Variants in MATN3 observed in about 807,000 individuals in gnomAD.
MATN3 encodes the protein matrilin 3, also known as matrilin-3.
MATN3 carries 48 observed loss-of-function variants against 45.3 expected under a neutral mutation model. The observed-to-expected ratio is 1.06, with a 90% CI of 0.84 to 1.35. The LOEUF (loss-of-function observed/expected upper bound fraction) is 1.35. Among genes scored for constraint, MATN3 ranks in the 40% most tolerant of loss-of-function variants. MATN3 has a pLI of 0.00. For synonymous variants in MATN3, 217 were observed against 245.9 expected (o/e 0.88, Z 1.10); for missense variants, 599 against 628.0 (o/e 0.95, Z 0.49).
chr2:20,010,067 T>TAAGAAAAAAAAAAAAAAAAAAAAAAAA (rs1673188838), intron 1 of MATN3, among the ~76,000 whole-genome samples: 1 of 68,706 alleles, frequency 1.5e-5, no homozygotes, highest in Non-Finnish European at 2.5e-5. Flanking sequence ...CTTCAAATAC[T>TAAGAAAAAAAAAAAAAAAAAAAAAAAA]AAAAAAAAAA....
At chr2:20,007,257 G>T (rs1296739800) in intron 1 of MATN3, among the ~76,000 whole-genome samples, 2 of 151,928 alleles carry the variant, frequency 1.3e-5, no homozygotes, top group Non-Finnish European at 2.9e-5. Flanking sequence ...CCCGGGCGCG[G>T]TGGCTCACGC....
intron 4 of MATN3, 116 bp downstream of exon 4, chr2:20,001,839 A>C (rs933091599): frequency 2.1e-6 from 2 of 968,262 alleles, no homozygotes; most frequent in Non-Finnish European, 3.1e-6. Context: ...GGAAAAGCTC[A>C]AGGTGGCAAG....
At position 20,012,581 on chromosome 2, in the gene MATN3, G is replaced by A; in HGVS notation, c.51C>T (p.Leu17=). Residue 17 remains leucine, a synonymous_variant, in exon 1 of 8, where the codon CTC becomes CTT. Coordinates refer to ENST00000407540, the MANE Select transcript of MATN3 (RefSeq NM_002381.5). The surrounding 1 kb of genome is among the most constrained non-coding windows in gnomAD (Gnocchi z 4.3). ...CGGAGGGCAGCAGCAGCAGCGGCCA[G>A]AGCAGCAGGAGGAGTCCCGGGAGGC... The part of the protein sequence containing the change: ...ARRLPGLLLL[L]WPLLLLPSAA... 4 of 1,226,056 alleles carry A rather than the reference G, an allele frequency of 3.3e-6. No homozygotes were observed. The highest frequency in any genetic ancestry group is 4.1e-6 in the Non-Finnish European group (4 of 985,114). The allele number at this position is 1,226,056 out of a possible 1,614,324, so 75.9% of individuals were successfully genotyped here.
intron 1 of MATN3, among the ~76,000 whole-genome samples, chr2:20,009,232 C>CA (rs558125406): frequency 0.044 from 2,433 of 54,904 alleles, 22 homozygotes; most frequent in South Asian, 0.074. Context: ...CTCTAAAAGC[C>CA]AAAAAAAAAA....
rs1672818685 is a variant in MATN3, at chr2:19,994,302, T to C, written c.1402A>G (p.Lys468Glu). The C allele has an allele frequency of 1.2e-6, 2 of 1,606,174 alleles. No homozygotes were observed. Among genetic ancestry groups the C allele is most frequent in the South Asian group, 2.2e-5 (2 of 90,622 alleles). The stretch of plus-strand genomic sequence containing the variant: ...GAAAACCTTCCAGAAAGGATATGTT[T>C]AGTGTTCAGTCTTTGAAGATACGAG... ...VSSYLQRLNT[K>E]LDDILEKLKI... Residue 468 changes from lysine (K) to glutamate (E), a missense_variant, in exon 7 of 8, where the codon AAA (lysine) becomes GAA (glutamate). By Grantham distance (56) the Lys-to-Glu change is moderately conservative. Coordinates refer to ENST00000407540, the MANE Select transcript of MATN3 (RefSeq NM_002381.5).
At chr2:20,008,314 G>A (rs1198205612) in intron 1 of MATN3, among the ~76,000 whole-genome samples, 1 of 152,078 alleles carries the variant, frequency 6.6e-6, no homozygotes, top group Admixed American at 6.5e-5. Context: ...CACGCATGCA[G>A]CCCTAAATGG....
chr2:20,002,933 C>T (rs767993767), intron 3 of MATN3, among the ~76,000 whole-genome samples: 3 of 152,100 alleles, frequency 2.0e-5, no homozygotes, highest in Non-Finnish European at 4.4e-5. Flanking sequence ...TTTTCTCCTA[C>T]GATTTTATTT....
chr2:20,005,657 C>CA (rs72538221), intron 2 of MATN3, 87 bp downstream of exon 2: 12 of 1,081,206 alleles, frequency 1.1e-5, no homozygotes, highest in Non-Finnish European at 1.5e-5. Context: ...AAATTTCCAC[C>CA]AAAAAAGAAT....
intron 1 of MATN3, among the ~76,000 whole-genome samples, chr2:20,011,464 G>A (rs1673218059): frequency 6.6e-6 from 1 of 152,202 alleles, no homozygotes; most frequent in South Asian, 2.1e-4. Flanking sequence ...AGTCCCTTGA[G>A]CTCCTTCTCA....
In MATN3 at chr2:19,992,706, C is replaced by T. The variant is rs1426915976; in HGVS notation, c.*405G>A. The T allele has an allele frequency of 5.5e-6, 1 of 182,376 alleles. No individual in the cohort carries two copies. Among genetic ancestry groups the T allele is most frequent in the Non-Finnish European group, 1.1e-5 (1 of 88,814 alleles). 11.3% of individuals were successfully genotyped at this position (182,376 alleles called of 1,614,324 possible). On this transcript the variant is annotated 3_prime_UTR_variant, in exon 8 of 8. Coordinates refer to ENST00000407540, the MANE Select transcript of MATN3 (RefSeq NM_002381.5). ...AAATACCTTGTACAATTTGCACTCTCAGTAATAAGATTGATTTATATTATA... is the reference window on the plus strand; with the variant it reads ...AAATACCTTGTACAATTTGCACTCTTAGTAATAAGATTGATTTATATTATA...
intron 2 of MATN3, among the ~76,000 whole-genome samples, chr2:20,003,618 T>G (rs1673034426): frequency 6.6e-6 from 1 of 152,176 alleles, no homozygotes; most frequent in Non-Finnish European, 1.5e-5. Context: ...GAAAAAAAGA[T>G]TTGTGCTTCC....
rs1357740027 is a variant in MATN3 at position 19,992,504 on chromosome 2, G to A, written c.*607C>T. 6.6e-6 allele frequency: 1 copy of A among 152,170 alleles called. No individual in the cohort carries two copies. The highest frequency in any genetic ancestry group is 1.5e-5 in the Non-Finnish European group (1 of 68,022). The allele number at this position is 152,170 out of a possible 1,614,324, so 9.4% of individuals were successfully genotyped here. A position where few individuals can be genotyped will look rare whatever the true frequency, so the allele number is the denominator to read the frequency against. On this transcript the variant is annotated 3_prime_UTR_variant, in exon 8 of 8. Transcript: ENST00000407540. Reference sequence around the variant, plus strand: ...AGTAGTACATTTCTTTCAAAGACCAGAATGAATTAAAAATGGCAATGTAAT... The same window carrying A: ...AGTAGTACATTTCTTTCAAAGACCAAAATGAATTAAAAATGGCAATGTAAT...
intron 7 of MATN3, among the ~76,000 whole-genome samples, chr2:19,994,095 T>C (rs561061901): frequency 3.2e-4 from 49 of 152,332 alleles, no homozygotes; most frequent in African/African-American, 1.1e-3. Flanking sequence ...TAGGCAGCTT[T>C]TACATGTAAA....
At chr2:20,003,628 CCCA>C (rs1460635811) in intron 2 of MATN3, among the ~76,000 whole-genome samples, 1 of 152,148 alleles carries the variant, frequency 6.6e-6, no homozygotes, top group South Asian at 2.1e-4. Flanking sequence ...TTTGTGCTTC[CCCA>C]CCACAAGAAA....
At chr2:20,009,804 C>A (rs911583855) in intron 1 of MATN3, among the ~76,000 whole-genome samples, 1 of 151,970 alleles carries the variant, frequency 6.6e-6, no homozygotes, top group Non-Finnish European at 1.5e-5. Context: ...TAGGCAAATG[C>A]AACCAATTAT....
rs573411639 is a variant in MATN3, at chr2:19,996,470, C to T, written c.1294+664G>A. On this transcript the variant is annotated intron_variant, in intron 6 of 7. Transcript: ENST00000407540. Reference sequence around the variant, plus strand: ...AACCAGGAAATGAAAAAAACATCCACTGGATTGGCAAAAATTTAATTCAAC... The same window carrying T: ...AACCAGGAAATGAAAAAAACATCCATTGGATTGGCAAAAATTTAATTCAAC... Among the ~76,000 whole-genome samples the T allele has an allele frequency of 5.3e-4, 80 of 152,256 alleles. No individual in the cohort carries two copies. The South Asian group carries it at 0.015, about 29-fold the overall frequency.
At chr2:19,999,430 C>T (rs1254626883) in intron 5 of MATN3, among the ~76,000 whole-genome samples, 2 of 152,122 alleles carry the variant, frequency 1.3e-5, no homozygotes, top group East Asian at 3.9e-4. Context: ...TGCCCACCTC[C>T]CCAGCCTCTA....
intron 5 of MATN3, among the ~76,000 whole-genome samples, chr2:19,998,773 A>AT (rs879731173): frequency 3.8e-4 from 51 of 133,460 alleles, no homozygotes; most frequent in South Asian, 1.2e-3. Context: ...AGAAGAAAAA[A>AT]AAATATATAT....
intron 1 of MATN3, 32 bp from the exon 2 acceptor site, chr2:20,006,342 A>G (rs367889287): frequency 6.9e-6 from 10 of 1,444,052 alleles, no homozygotes; most frequent in South Asian, 1.4e-5. Flanking sequence ...TCAGACCACA[A>G]TTAGAAATGC....
Sources: allele counts gnomAD v4.1 joint callset (sites outside exome capture counted in the v4.1 genomes callset), GRCh38; gene constraint gnomAD v4.1.1; non-coding constraint Gnocchi (gnomAD v3.1); transcripts MANE v1.5; gene names NCBI Gene and HGNC (gene_info 2026-07-23, HGNC 2026-07-21).